The following COL24A1 variants were observed in gnomAD, a reference collection of about 807,000 sequenced individuals.
COL24A1 encodes collagen alpha-1(XXIV) chain.
COL24A1 carries 224 observed loss-of-function variants against 253.9 expected under a neutral mutation model. The observed-to-expected ratio is 0.88, with a 90% CI of 0.79 to 0.99. The LOEUF is 0.99. COL24A1 is among the 50% of genes least tolerant of loss of function. COL24A1 has a pLI of 0.00. For missense variants in COL24A1, 2,131 were observed against 2,068.5 expected (o/e 1.03, Z -0.59); for synonymous variants, 685 against 673.7 (o/e 1.02, Z -0.26).
intron 57 of COL24A1, 82 bp from the exon 58 acceptor site, chr1:85,737,587 GAGTCTC>G: frequency 5.1e-6 from 5 of 982,324 alleles, no homozygotes; most frequent in Non-Finnish European, 7.4e-6. Context: ...TTGAGAGAGA[GAGTCTC>G]ATTCTGTTAG....
chr1:86,113,670 C>A (rs1028487830), intron 4 of COL24A1, among the ~76,000 whole-genome samples: 5 of 151,278 alleles, frequency 3.3e-5, no homozygotes, highest in Admixed American at 3.3e-4. Flanking sequence ...CTCATCACTA[C>A]CAAAAATCAA....
At chr1:85,865,515 A>G (rs1679687056) in intron 37 of COL24A1, among the ~76,000 whole-genome samples, 1 of 151,924 alleles carries the variant, frequency 6.6e-6, no homozygotes, top group East Asian at 1.9e-4. Context: ...TGTGTTTATC[A>G]TTTTTCCATG....
At chr1:85,868,679 C>A in intron 36 of COL24A1, 53 bp from the exon 37 acceptor site, 2 of 1,517,302 alleles carry the variant, frequency 1.3e-6, no homozygotes, top group South Asian at 1.2e-5. Flanking sequence ...AATAATTATG[C>A]CAATAATAAA....
At chr1:86,084,230 A>T (rs1378677325) in intron 7 of COL24A1, among the ~76,000 whole-genome samples, 1 of 152,226 alleles carries the variant, frequency 6.6e-6, no homozygotes, top group Non-Finnish European at 1.5e-5. Context: ...AACCAAAATA[A>T]TGTAAGCACT....
At chr1:85,807,917 G>T (rs1258127771) in intron 47 of COL24A1, among the ~76,000 whole-genome samples, 1 of 152,186 alleles carries the variant, frequency 6.6e-6, no homozygotes, top group Non-Finnish European at 1.5e-5. Context: ...ACTGTGGTCA[G>T]AGTGGAAGCT....
chr1:86,103,427 A>G (rs1177821003), intron 5 of COL24A1, among the ~76,000 whole-genome samples: 1 of 152,134 alleles, frequency 6.6e-6, no homozygotes, highest in Non-Finnish European at 1.5e-5. Context: ...TCATGATGTT[A>G]GCTGGTTTTT....
chr1:85,990,120 TTTTTC>T (rs1319284471), intron 19 of COL24A1, among the ~76,000 whole-genome samples: 10 of 152,150 alleles, frequency 6.6e-5, no homozygotes, highest in African/African-American at 1.2e-4. Context: ...ACTGGTTTGT[TTTTTC>T]TTTTCTTTTC....
intron 47 of COL24A1, among the ~76,000 whole-genome samples, chr1:85,792,768 T>C (rs1302558505): frequency 1.3e-5 from 2 of 151,858 alleles, no homozygotes; most frequent in African/African-American, 4.8e-5. Context: ...TGATGGAATG[T>C]ACTATATAAA....
chr1:86,004,879 T>C (rs764878162), intron 19 of COL24A1, among the ~76,000 whole-genome samples: 27 of 152,214 alleles, frequency 1.8e-4, no homozygotes, highest in Non-Finnish European at 3.7e-4. Context: ...GCATGACTAA[T>C]TGACCCTGAT....
At chr1:85,747,606 T>C (rs1665388007) in intron 55 of COL24A1, among the ~76,000 whole-genome samples, 1 of 152,156 alleles carries the variant, frequency 6.6e-6, no homozygotes, top group Non-Finnish European at 1.5e-5. Flanking sequence ...TTCTGTAATG[T>C]CTGGATTAAT....
At chr1:86,139,573 T>A (rs1254249724) in intron 2 of COL24A1, among the ~76,000 whole-genome samples, 1 of 152,172 alleles carries the variant, frequency 6.6e-6, no homozygotes. Context: ...TACCAATTTT[T>A]AGATAAAAAG....
intron 2 of COL24A1, among the ~76,000 whole-genome samples, chr1:86,132,003 C>A (rs1027315929): frequency 2.0e-5 from 3 of 152,174 alleles, no homozygotes; most frequent in Non-Finnish European, 4.4e-5. Flanking sequence ...TCCTATTTCT[C>A]TACATCCTCC....
At chr1:85,769,946 C>A (rs558687343) in intron 53 of COL24A1, among the ~76,000 whole-genome samples, 18 of 152,060 alleles carry the variant, frequency 1.2e-4, no homozygotes, top group Non-Finnish European at 2.2e-4. Flanking sequence ...GCCATAGGTA[C>A]TTCAGGCTTC....
intron 43 of COL24A1, among the ~76,000 whole-genome samples, chr1:85,833,415 G>T (rs1045173172): frequency 1.3e-5 from 2 of 151,930 alleles, no homozygotes; most frequent in Admixed American, 6.5e-5. Flanking sequence ...ACCACAATGA[G>T]ATACCATCTC....
chr1:85,888,023 C>G (rs906464016), intron 32 of COL24A1, among the ~76,000 whole-genome samples: 2 of 148,272 alleles, frequency 1.3e-5, no homozygotes, highest in African/African-American at 4.9e-5. Flanking sequence ...CATTCTCAAA[C>G]CTACTTTTCC....
At chr1:85,832,572 T>G (rs1448365930) in intron 43 of COL24A1, among the ~76,000 whole-genome samples, 2 of 150,814 alleles carry the variant, frequency 1.3e-5, no homozygotes, top group Non-Finnish European at 3.0e-5. Context: ...GGAATGTTCT[T>G]CCATTTGTTT....
At chr1:85,832,423 C>A (rs1440208328) in intron 43 of COL24A1, among the ~76,000 whole-genome samples, 1 of 151,706 alleles carries the variant, frequency 6.6e-6, no homozygotes, top group South Asian at 2.1e-4. Flanking sequence ...TTTTTTGGTT[C>A]CATATGAACT....
chr1:85,742,003 G>A (rs1664691523), intron 57 of COL24A1, among the ~76,000 whole-genome samples: 1 of 151,940 alleles, frequency 6.6e-6, no homozygotes, highest in Non-Finnish European at 1.5e-5. Flanking sequence ...TGATTTTCAG[G>A]ACACCACATC....
At chr1:86,144,492 G>A (rs997378253) in intron 2 of COL24A1, among the ~76,000 whole-genome samples, 4 of 152,088 alleles carry the variant, frequency 2.6e-5, no homozygotes, top group African/African-American at 4.8e-5. Context: ...TAAGCTGTAG[G>A]TGAGCCACTT....
Sources: gnomAD v4.1 joint callset for allele counts (sites outside exome capture counted in the v4.1 genomes callset) on GRCh38, gnomAD v4.1.1 for gene constraint, MANE v1.5 for transcripts, NCBI Gene and HGNC (gene_info 2026-07-23, HGNC 2026-07-21) for gene names.